The following ATRNL1 variants were observed in gnomAD, a reference collection of about 807,000 sequenced individuals.
The protein encoded by ATRNL1 is attractin like 1.
In ATRNL1, 95 loss-of-function variants were observed where a neutral mutation model predicts 182.7. The observed-to-expected ratio is 0.52, with a 90% confidence interval of 0.44 to 0.62. The LOEUF is 0.62. Ranked by LOEUF, ATRNL1 falls within the 20% of genes least tolerant of loss-of-function variation. The pLI, the probability that ATRNL1 is intolerant of heterozygous loss-of-function variation, is 0.00. For missense variants in ATRNL1, 1,471 were observed against 1,679.5 expected (o/e 0.88, Z 2.17); for synonymous variants, 576 against 568.3 (o/e 1.01, Z -0.19).
At chr10:115,888,375 G>A (rs1056190906) in intron 28 of ATRNL1, among the ~76,000 whole-genome samples, 6 of 152,176 alleles carry the variant, frequency 3.9e-5, no homozygotes, top group Non-Finnish European at 7.3e-5. Context: ...CCATTAGAGT[G>A]CAAGCTCCAT....
chr10:115,697,469 A>G (rs1555050204), intron 26 of ATRNL1, among the ~76,000 whole-genome samples: 1 of 151,982 alleles, frequency 6.6e-6, no homozygotes, highest in African/African-American at 2.4e-5. Context: ...GGCAATACAG[A>G]TACATACCAC....
At chr10:115,211,047 CT>C (rs373488525) in intron 8 of ATRNL1, among the ~76,000 whole-genome samples, 23,982 of 134,490 alleles carry the variant, frequency 0.18, 2,281 homozygotes, top group South Asian at 0.25. Context: ...GTCCTGACTT[CT>C]TTTTTTTTTT....
intron 1 of ATRNL1, among the ~76,000 whole-genome samples, chr10:115,101,230 C>T (rs1843755403): frequency 1.3e-5 from 2 of 151,788 alleles, no homozygotes; most frequent in African/African-American, 4.8e-5. Context: ...TTTCACTGGC[C>T]AGAACCTCTA....
At chr10:115,231,437 A>G (rs1849947113) in intron 9 of ATRNL1, among the ~76,000 whole-genome samples, 1 of 152,194 alleles carries the variant, frequency 6.6e-6, no homozygotes. Flanking sequence ...AGAGGAATTA[A>G]AGAAAAGTAC....
intron 27 of ATRNL1, among the ~76,000 whole-genome samples, chr10:115,790,414 G>A (rs144893262): frequency 4.1e-4 from 62 of 152,234 alleles, no homozygotes; most frequent in African/African-American, 1.4e-3. Context: ...AAAGGCTCAC[G>A]TACTAAATCT....
At chr10:115,688,632 C>T (rs536035439) in intron 26 of ATRNL1, among the ~76,000 whole-genome samples, 3 of 152,056 alleles carry the variant, frequency 2.0e-5, no homozygotes, top group South Asian at 4.2e-4. Context: ...AACAACTATT[C>T]GTGTCCTTTT....
chr10:115,161,048 A>G (rs1210606962), intron 6 of ATRNL1, among the ~76,000 whole-genome samples: 1 of 151,912 alleles, frequency 6.6e-6, no homozygotes. Context: ...TGCTGTATAT[A>G]TATATATTTT....
intron 21 of ATRNL1, among the ~76,000 whole-genome samples, chr10:115,440,878 C>T (rs931038035): frequency 6.6e-6 from 1 of 151,878 alleles, no homozygotes; most frequent in Non-Finnish European, 1.5e-5. Flanking sequence ...TTATAATACT[C>T]TCCAAATAAG....
chr10:115,268,075 T>G (rs1417927112), intron 12 of ATRNL1, among the ~76,000 whole-genome samples: 1 of 152,056 alleles, frequency 6.6e-6, no homozygotes, highest in African/African-American at 2.4e-5. Context: ...ATGTGTGAAT[T>G]TAAAATGTCT....
chr10:115,678,418 A>G (rs1945937680), intron 26 of ATRNL1, among the ~76,000 whole-genome samples: 1 of 152,062 alleles, frequency 6.6e-6, no homozygotes, highest in African/African-American at 2.4e-5. Context: ...CACTTTTGTT[A>G]TTATTTTAAA....
intron 3 of ATRNL1, among the ~76,000 whole-genome samples, chr10:115,126,492 G>GGACAC (rs1365369191): frequency 6.6e-6 from 1 of 152,074 alleles, no homozygotes; most frequent in African/African-American, 2.4e-5. Context: ...ACTTAAGACT[G>GGACAC]GTGTCATAGG....
chr10:115,468,975 G>T (rs1224119471), intron 23 of ATRNL1, among the ~76,000 whole-genome samples, 197 bp from the exon 24 acceptor site: 1 of 150,540 alleles, frequency 6.6e-6, no homozygotes, highest in Non-Finnish European at 1.5e-5. Context: ...ATCAGTGGTA[G>T]CATTTTTAAA....
chr10:115,498,346 C>T (rs895713387), intron 24 of ATRNL1, among the ~76,000 whole-genome samples: 3 of 151,884 alleles, frequency 2.0e-5, no homozygotes, highest in Non-Finnish European at 4.4e-5. Flanking sequence ...TTGTTTTTAG[C>T]TATATTGGAT....
At chr10:115,430,358 T>G (rs1216269699) in intron 21 of ATRNL1, among the ~76,000 whole-genome samples, 1 of 152,128 alleles carries the variant, frequency 6.6e-6, no homozygotes, top group Non-Finnish European at 1.5e-5. Context: ...TCTTTAATAA[T>G]TTCCTTCTCA....
intron 19 of ATRNL1, among the ~76,000 whole-genome samples, chr10:115,391,656 A>G (rs1051350538): frequency 1.3e-5 from 2 of 151,648 alleles, no homozygotes; most frequent in African/African-American, 4.9e-5. Context: ...GTAAGGTGGT[A>G]TAATCTCTTG....
intron 27 of ATRNL1, among the ~76,000 whole-genome samples, chr10:115,742,761 T>C (rs1948174292): frequency 6.6e-6 from 1 of 152,178 alleles, no homozygotes; most frequent in African/African-American, 2.4e-5. Context: ...TCCAGGCAGT[T>C]TTCCACATTG....
intron 1 of ATRNL1, among the ~76,000 whole-genome samples, chr10:115,103,835 C>T (rs1264800): frequency 0.066 from 10,059 of 152,226 alleles, 1,052 homozygotes; most frequent in African/African-American, 0.22. Flanking sequence ...AATGTAATGA[C>T]GTCCAGTTCC....
chr10:115,162,885 C>T (rs183870861), intron 6 of ATRNL1, among the ~76,000 whole-genome samples: 59 of 151,804 alleles, frequency 3.9e-4, no homozygotes, highest in Admixed American at 2.0e-3. Context: ...CAAATGCTGA[C>T]GATTATCCAG....
intron 24 of ATRNL1, among the ~76,000 whole-genome samples, chr10:115,497,043 G>A (rs1849582901): frequency 1.3e-5 from 2 of 152,048 alleles, no homozygotes; most frequent in Admixed American, 1.3e-4. Flanking sequence ...ATTTCTCAGA[G>A]GATTTGTTCA....
Sources: allele counts gnomAD v4.1 joint callset (sites outside exome capture counted in the v4.1 genomes callset), GRCh38; gene constraint gnomAD v4.1.1; transcripts MANE v1.5; gene names NCBI Gene and HGNC (gene_info 2026-07-23, HGNC 2026-07-21).